Variants in SH2D3A observed in about 807,000 individuals in gnomAD.
The protein encoded by SH2D3A is SH2 domain-containing protein 3A.
A neutral mutation model predicts 50.6 loss-of-function variants in SH2D3A; 46 were observed. That is an observed-to-expected ratio of 0.91 (90% CI 0.72 to 1.16). SH2D3A has a LOEUF of 1.16. SH2D3A is among the 50% of genes most tolerant of loss of function. The pLI, the probability that SH2D3A is intolerant of heterozygous loss-of-function variation, is 0.00. For synonymous variants in SH2D3A, 377 were observed against 348.4 expected, an observed-to-expected ratio of 1.08 and a Z score of -0.91; for missense variants, 783 against 786.2, an observed-to-expected ratio of 1.00 and a Z score of 0.05.
At chr19:6,757,828 A>G (rs574831893) in intron 4 of SH2D3A, 11 of 152,332 alleles carry the variant, frequency 7.2e-5, no homozygotes, top group African/African-American at 2.6e-4. Flanking sequence ...CTGTAATCCC[A>G]GCTACTCGGG....
Position 6,760,791 on chromosome 19 carries a change from G to A in SH2D3A, c.266C>T (p.Pro89Leu), listed in dbSNP as rs138522995. 1.5e-5 allele frequency: 25 copies of A among 1,614,106 alleles called. No homozygotes were observed. Among genetic ancestry groups the A allele is most frequent in the African/African-American group, 6.7e-5 (5 of 74,938 alleles). Reference protein sequence around the residue: ...QLEDEQFPSIPALVHSYMTGR... With the variant: ...QLEDEQFPSILALVHSYMTGR... ...TGTCATATAACTGTGAACCAGAGCC[G>A]GTATGCTGGGGAATTGCTCATCCTC... The change falls in exon 3 of 10, where the codon CCG becomes CTG. Residue 89 changes from proline (P) to leucine (L), a missense_variant. By Grantham distance (98) the Pro-to-Leu change is moderately conservative. Transcript: ENST00000245908.
chr19:6,753,520 G>T lies in SH2D3A; in HGVS notation c.1506C>A (p.His502Gln). The change falls in exon 9 of 10, where the codon CAC becomes CAA. Residue 502 changes from histidine (H) to glutamine (Q), a missense_variant. Coordinates refer to ENST00000245908, the MANE Select transcript of SH2D3A (RefSeq NM_005490.3). ...CGTCCCGGACCATGTGACGCGCCCCGTGCAGGGTGCGCAACAGCCGCTCAC... is the reference window on the plus strand; with the variant it reads ...CGTCCCGGACCATGTGACGCGCCCCTTGCAGGGTGCGCAACAGCCGCTCAC... ...ESCERLLRTL[H>Q]GARHMVRDAP... 6.4e-7 allele frequency: 1 copy of T among 1,560,502 alleles called. No homozygotes were observed. The highest frequency in any genetic ancestry group is 1.2e-5 in the South Asian group (1 of 85,098).
intron 3 of SH2D3A, 99 bp from the exon 4 acceptor site, chr19:6,759,769 GTCTCAACCAAT>G (rs1362664729): frequency 5.8e-6 from 7 of 1,210,478 alleles, no homozygotes; most frequent in Non-Finnish European, 8.2e-6. Context: ...GTACCAGTGA[GTCTCAACCAAT>G]CAAGGTGACC....
chr19:6,753,667 G>C (rs1969463045), intron 8 of SH2D3A, 26 bp from the exon 9 acceptor site: 1 of 1,524,444 alleles, frequency 6.6e-7, no homozygotes, highest in Non-Finnish European at 8.8e-7. Context: ...GTCTGATCAG[G>C]GTTTGGGGCT....
intron 9 of SH2D3A, 133 bp downstream of exon 9, chr19:6,753,323 C>A: frequency 7.2e-7 from 1 of 1,398,048 alleles, no homozygotes; most frequent in Middle Eastern, 2.4e-4. Context: ...GGAGTGGAGC[C>A]GTCCCAGTTT....
At chr19:6,761,975 A>AC (rs1970048581) in intron 2 of SH2D3A, among the ~76,000 whole-genome samples, 1 of 150,864 alleles carries the variant, frequency 6.6e-6, no homozygotes, top group African/African-American at 2.4e-5. Context: ...CAAAAAAAAA[A>AC]ACAAAAAAAA....
At position 6,760,839 on chromosome 19, in the gene SH2D3A, C is replaced by A; in HGVS notation, c.218G>T (p.Arg73Leu). Residue 73 changes from arginine to leucine, a missense_variant, in exon 3 of 10, where the codon CGA becomes CTA. Arg to Leu is a moderately radical substitution (Grantham distance 102, BLOSUM62 -2). Transcript: ENST00000245908. The part of the protein sequence containing the change: ...FRVALRPRPG[R>L]PTALFQLEDE... The stretch of plus-strand genomic sequence containing the variant: ...CTCCAGTTGAAAGAGGGCTGTGGGT[C>A]GGCCTGGCCGGGGACGCAGGGCCAC... 1.2e-6 allele frequency: 2 copies of A among 1,614,232 alleles called. No homozygotes were observed. Among genetic ancestry groups the A allele is most frequent in the East Asian group, 2.2e-5 (1 of 44,886 alleles).
In SH2D3A at chr19:6,761,310, CCTGT is replaced by C. The variant is rs776800191; in HGVS notation, c.70-327_70-324del. The C allele has an allele frequency of 6.5e-5, 17 of 261,096 alleles. No homozygotes were observed. The Admixed American group carries it at 6.6e-4, about 10-fold the overall frequency. The allele number at this position is 261,096 out of a possible 1,614,324, so 16.2% of individuals were successfully genotyped here. The stretch of plus-strand genomic sequence containing the variant: ...CTGCACAATCTTATAGGTTGTGTCC[CCTGT>C]CTGTCAGCTGATATCCCCCAAAGCC... On this transcript the variant is annotated intron_variant, in intron 2 of 9. Transcript: ENST00000245908.
Position 6,760,850 on chromosome 19 carries a change from G to C in SH2D3A, c.207C>G (p.Pro69=). ...AGAGGGCTGTGGGTCGGCCTGGCCGGGGACGCAGGGCCACACGGAACACCT... is the reference window on the plus strand; with the variant it reads ...AGAGGGCTGTGGGTCGGCCTGGCCGCGGACGCAGGGCCACACGGAACACCT... ...HFEVFRVALR[P]RPGRPTALFQ... Residue 69 remains proline (P), a synonymous_variant, in exon 3 of 10, where the codon CCC becomes CCG. Transcript: ENST00000245908. 1.9e-6 allele frequency: 3 copies of C among 1,614,250 alleles called. No individual in the cohort carries two copies. Among genetic ancestry groups the C allele is most frequent in the Non-Finnish European group, 2.5e-6 (3 of 1,180,050 alleles).
intron 1 of SH2D3A, among the ~76,000 whole-genome samples, chr19:6,766,374 T>TC (rs3837942): frequency 0.26 from 39,667 of 152,034 alleles, 5,888 homozygotes; most frequent in African/African-American, 0.41. Context: ...AACTAAGCCA[T>TC]CTCCTGCCTC....
At chr19:6,766,699 G>T (rs1970317814) in intron 1 of SH2D3A, among the ~76,000 whole-genome samples, 1 of 152,240 alleles carries the variant, frequency 6.6e-6, no homozygotes, top group Non-Finnish European at 1.5e-5. Context: ...GCCCTCCAGA[G>T]CTTGCAGTCG....
rs374405912 is a variant in SH2D3A, at chr19:6,752,579, G to C, written c.*14C>G. ...ACCTGGGGGTCCCGGGTGTGAAGAA[G>C]GGTGTCTGCGCTCTCAGCGGTCAGG... On this transcript the variant is annotated 3_prime_UTR_variant, in exon 10 of 10. Transcript: ENST00000245908. 6.6e-7 allele frequency: 1 copy of C among 1,526,634 alleles called. No individual in the cohort carries two copies. Among genetic ancestry groups the C allele is most frequent in the Non-Finnish European group, 8.8e-7 (1 of 1,132,982 alleles). The allele number at this position is 1,526,634 out of a possible 1,614,324, so 94.6% of individuals were successfully genotyped here.
At chr19:6,763,092 C>G (rs770412695) in intron 2 of SH2D3A, among the ~76,000 whole-genome samples, 6 of 151,966 alleles carry the variant, frequency 3.9e-5, no homozygotes, top group Non-Finnish European at 7.4e-5. Context: ...TTGACAGAGT[C>G]TCGCTCTGTT....
intron 2 of SH2D3A, among the ~76,000 whole-genome samples, chr19:6,762,430 C>G (rs1970073509): frequency 6.6e-6 from 1 of 151,730 alleles, no homozygotes; most frequent in South Asian, 2.1e-4. Flanking sequence ...GGTGATCTAC[C>G]CACCTCGGCC....
intron 1 of SH2D3A, among the ~76,000 whole-genome samples, chr19:6,765,776 C>T (rs1466670832): frequency 3.3e-5 from 5 of 149,254 alleles, no homozygotes; most frequent in African/African-American, 1.3e-4. Flanking sequence ...AAGAATGTAA[C>T]CCCAGGGTTA....
intron 4 of SH2D3A, chr19:6,759,271 G>C (rs1230058727): frequency 3.8e-6 from 1 of 263,208 alleles, no homozygotes; most frequent in Admixed American, 5.3e-5. Flanking sequence ...GTGCCACCAC[G>C]CTCGGCTAAT....
In SH2D3A at chr19:6,754,823, TG is replaced by T. The variant is rs760563491; in HGVS notation, c.981+7del. The T allele has an allele frequency of 2.5e-6, 4 of 1,607,456 alleles. No individual in the cohort carries two copies. The highest frequency in any genetic ancestry group is 3.4e-6 in the Non-Finnish European group (4 of 1,175,646). On this transcript the variant is annotated splice_region_variant and intron_variant, in intron 5 of 9. Coordinates refer to ENST00000245908, the MANE Select transcript of SH2D3A (RefSeq NM_005490.3). ...GCCTGGGGAGGAGCATCCCAGGAGG[TG>T]ACCCACCTGGCAGTCTACCAATAGC...
Position 6,753,685 on chromosome 19 carries a change from G to A in SH2D3A, c.1385-44C>T, listed in dbSNP as rs1047687888. 7 of 1,475,256 alleles carry A rather than the reference G, an allele frequency of 4.7e-6. No homozygotes were observed. The African/African-American group carries it at 7.0e-5, about 15-fold the overall frequency. 91.4% of individuals were successfully genotyped at this position (1,475,256 alleles called of 1,614,324 possible). On this transcript the variant is annotated intron_variant, in intron 8 of 9. Transcript: ENST00000245908. ...TGATCAGGGTTTGGGGCTGTAGATG[G>A]GGCATAGGGCAGAGGTGGAACCTAG...
At position 6,759,603 on chromosome 19, in the gene SH2D3A, C is replaced by T. The variant is rs779893958; in HGVS notation, c.487G>A (p.Ala163Thr). 3.7e-5 allele frequency: 60 copies of T among 1,613,746 alleles called. No individual in the cohort carries two copies. Among genetic ancestry groups the T allele is most frequent in the Non-Finnish European group, 4.7e-5 (55 of 1,179,826 alleles). The change falls in exon 4 of 10, where the codon GCT (alanine) becomes ACT (threonine). Residue 163 changes from alanine (A) to threonine (T), a missense_variant. Transcript: ENST00000245908. ...TCTAGCAGACACTTACCCATCCCAG[C>T]GGGGTCTTCTCTTGACCGCCCCATA... Reference protein sequence around the residue: ...AHMGRSREDPAGMEASTMPIS... With the variant: ...AHMGRSREDPTGMEASTMPIS...
Sources: gnomAD v4.1 joint callset for allele counts (sites outside exome capture counted in the v4.1 genomes callset) on GRCh38, gnomAD v4.1.1 for gene constraint, MANE v1.5 for transcripts, NCBI Gene and HGNC (gene_info 2026-07-23, HGNC 2026-07-21) for gene names.